GRB2: variants seen among roughly 807,000 people sequenced by gnomAD.
GRB2 encodes the protein growth factor receptor-bound protein 2.
Under a neutral mutation model 27.4 loss-of-function variants are expected in GRB2, and 2 were observed. The observed-to-expected ratio is 0.07, with a 90% CI of 0.03 to 0.23. The LOEUF (loss-of-function observed/expected upper bound fraction) is 0.23, where lower values mean the gene tolerates loss of function less well. GRB2 is among the 10% of genes least tolerant of loss of function. The pLI, the probability that GRB2 is intolerant of heterozygous loss-of-function variation, is 1.00. For synonymous variants in GRB2, 94 were observed against 99.6 expected (o/e 0.94, Z 0.33); for missense variants, 102 against 282.4 (o/e 0.36, Z 4.58).
chr17:75,403,511 A>T (rs1237399307), intron 1 of GRB2, among the ~76,000 whole-genome samples: 1 of 152,140 alleles, frequency 6.6e-6, no homozygotes, highest in East Asian at 1.9e-4. Context: ...GCAGTGGCTC[A>T]TGTCTGTAAT....
chr17:75,339,140 A>C, intron 2 of GRB2: 1 of 1,220,150 alleles, frequency 8.2e-7, no homozygotes, highest in Non-Finnish European at 1.2e-6. Context: ...CAAGTGATCC[A>C]GTTCTAAGTG....
At chr17:75,353,346 G>C (rs1358988246) in intron 2 of GRB2, among the ~76,000 whole-genome samples, 3 of 152,048 alleles carry the variant, frequency 2.0e-5, no homozygotes, top group Non-Finnish European at 4.4e-5. Context: ...CACACATGTA[G>C]ACTGAAAAAA....
intron 2 of GRB2, among the ~76,000 whole-genome samples, chr17:75,368,522 G>A (rs1230641480): frequency 2.7e-5 from 4 of 149,160 alleles, no homozygotes; most frequent in Admixed American, 6.6e-5. Context: ...TGCGTCAGGC[G>A]TTTGTTTTTT....
chr17:75,374,042 A>G (rs1274951764), intron 2 of GRB2, among the ~76,000 whole-genome samples: 1 of 151,032 alleles, frequency 6.6e-6, no homozygotes, highest in Non-Finnish European at 1.5e-5. Context: ...CGATCCGCCC[A>G]CCTCAGCCTC....
chr17:75,391,453 T>C (rs1486918331), intron 2 of GRB2, among the ~76,000 whole-genome samples: 1 of 152,160 alleles, frequency 6.6e-6, no homozygotes, highest in Non-Finnish European at 1.5e-5. Context: ...TTATAAAATG[T>C]TCATGGTCTA....
intron 2 of GRB2, among the ~76,000 whole-genome samples, chr17:75,361,944 T>C (rs2078784730): frequency 6.6e-6 from 1 of 152,140 alleles, no homozygotes; most frequent in African/African-American, 2.4e-5. Flanking sequence ...TTCAGATTTT[T>C]TCCCTCATGT....
intron 2 of GRB2, among the ~76,000 whole-genome samples, chr17:75,378,436 A>AT (rs556481832): frequency 7.9e-5 from 12 of 151,926 alleles, no homozygotes; most frequent in South Asian, 4.2e-4. Flanking sequence ...CACAAGAATA[A>AT]TTTTTCATGT....
intron 3 of GRB2, 29 bp downstream of exon 3, chr17:75,332,671 C>T: frequency 1.5e-6 from 2 of 1,332,822 alleles, no homozygotes; most frequent in Non-Finnish European, 1.1e-6. Context: ...TGGGTCCAAC[C>T]CTTCCAAGAC....
At chr17:75,379,965 T>C (rs371603424) in intron 2 of GRB2, among the ~76,000 whole-genome samples, 24 of 152,212 alleles carry the variant, frequency 1.6e-4, no homozygotes, top group African/African-American at 5.8e-4. Flanking sequence ...CATATAACAT[T>C]ACTTTCACAT....
At chr17:75,327,862 C>T (rs186524142) in intron 3 of GRB2, among the ~76,000 whole-genome samples, 27 of 152,206 alleles carry the variant, frequency 1.8e-4, no homozygotes, top group African/African-American at 6.5e-4. Flanking sequence ...TGACATCTAC[C>T]TGCTTGGAGT....
rs1352312677 is a variant in GRB2 at position 75,385,046 on chromosome 17, AAAAAAAAAAAAAG to A, written c.78+8492_78+8504del. On this transcript the variant is annotated intron_variant, in intron 2 of 5. Coordinates refer to ENST00000316804, the MANE Select transcript of GRB2 (RefSeq NM_002086.5). ...GGCTCTACCAAAAAAAAAAAAAAAA[AAAAAAAAAAAAAG>A]CAAACAAACAAACAAACAAAAAAAC... Among the ~76,000 whole-genome samples the A allele has an allele frequency of 2.8e-3, 234 of 84,774 alleles. 3 individuals are homozygous for A. In the East Asian group the frequency reaches 0.076, roughly 28 times the overall value. 55.6% of individuals were successfully genotyped at this position (84,774 alleles called of 152,430 possible).
intron 4 of GRB2, among the ~76,000 whole-genome samples, chr17:75,323,259 C>T (rs2078472902): frequency 6.6e-6 from 1 of 152,152 alleles, no homozygotes; most frequent in Middle Eastern, 3.4e-3. Context: ...CAGCACTGAG[C>T]CTCAAGGAAG....
intron 4 of GRB2, among the ~76,000 whole-genome samples, chr17:75,322,046 C>T (rs1397613553): frequency 6.6e-6 from 1 of 152,072 alleles, no homozygotes; most frequent in Admixed American, 6.6e-5. Flanking sequence ...AGGGACAGGC[C>T]ATCAGTCATT....
At chr17:75,385,531 C>A (rs2078958506) in intron 2 of GRB2, among the ~76,000 whole-genome samples, 1 of 151,942 alleles carries the variant, frequency 6.6e-6, no homozygotes, top group Non-Finnish European at 1.5e-5. Flanking sequence ...GAGTGAAACT[C>A]CATCTCGAAA....
chr17:75,318,801 G>C lies in GRB2; in HGVS notation c.*1567C>G, dbSNP rs2078434587. 1 of 152,342 alleles carries C rather than the reference G, an allele frequency of 6.6e-6. No homozygotes were observed. The highest frequency in any genetic ancestry group is 1.9e-4 in the East Asian group (1 of 5,180). The allele number at this position is 152,342 out of a possible 1,614,324, so 9.4% of individuals were successfully genotyped here. Reference sequence around the variant, plus strand: ...GGATGAAAGCCATGGCCCAATCTAAGAGCAAGACAAGTGAAAAGTGAGTAC... The same window carrying C: ...GGATGAAAGCCATGGCCCAATCTAACAGCAAGACAAGTGAAAAGTGAGTAC... On this transcript the variant is annotated 3_prime_UTR_variant, in exon 6 of 6. Transcript: ENST00000316804.
At chr17:75,335,421 G>C (rs1029923607) in intron 2 of GRB2, among the ~76,000 whole-genome samples, 1 of 152,138 alleles carries the variant, frequency 6.6e-6, no homozygotes, top group Non-Finnish European at 1.5e-5. Flanking sequence ...TGTACTCGTA[G>C]CCAATCAGAA....
In GRB2 at chr17:75,321,406, A is replaced by G. The variant is rs541386459; in HGVS notation, c.468+253T>C. Among the ~76,000 whole-genome samples, 4 of 152,170 alleles carry G rather than the reference A, an allele frequency of 2.6e-5. 1 individual carries two copies. In the South Asian group the frequency reaches 8.3e-4, roughly 32 times the overall value. The stretch of plus-strand genomic sequence containing the variant: ...TGGCCAGGCTAGTCTCAAACACCTG[A>G]CCTCAAGAGATCTGCCTGCCTCGGC... On this transcript the variant is annotated intron_variant, in intron 5 of 5. Transcript: ENST00000316804.
At chr17:75,328,845 G>A (rs1159560135) in intron 3 of GRB2, among the ~76,000 whole-genome samples, 3 of 151,442 alleles carry the variant, frequency 2.0e-5, no homozygotes, top group Non-Finnish European at 4.4e-5. Flanking sequence ...GGCTGAGGCA[G>A]GAGAATGGAG....
intron 1 of GRB2, among the ~76,000 whole-genome samples, chr17:75,396,623 A>G (rs555585742): frequency 6.6e-5 from 10 of 152,220 alleles, no homozygotes; most frequent in Admixed American, 6.5e-4. Flanking sequence ...CCTGGCCTCA[A>G]GCAATCTGCC....
Sources: gnomAD v4.1 joint callset for allele counts (sites outside exome capture counted in the v4.1 genomes callset) on GRCh38, gnomAD v4.1.1 for gene constraint, MANE v1.5 for transcripts, NCBI Gene and HGNC (gene_info 2026-07-23, HGNC 2026-07-21) for gene names.